KLF8: variants seen among roughly 807,000 people sequenced by gnomAD.
KLF8 encodes the protein KLF transcription factor 8.
Under a neutral mutation model 18.2 loss-of-function variants are expected in KLF8, and 10 were observed. The ratio of observed to expected loss-of-function variants is 0.55; its 90% CI spans 0.34 to 0.93. The LOEUF is 0.93. KLF8 is among the 40% of genes least tolerant of loss of function. The pLI is 0.02. For missense variants in KLF8, 264 were observed against 277.9 expected, an observed-to-expected ratio of 0.95 and a Z score of 0.36; for synonymous variants, 109 against 97.3, an observed-to-expected ratio of 1.12 and a Z score of -0.71.
the KLF8 span, among the ~76,000 whole-genome samples, chrX:56,202,177 C>G: frequency 9.0e-6 from 1 of 110,702 alleles, no homozygotes; most frequent in Non-Finnish European, 1.9e-5. Flanking sequence ...GAGAGAAGAG[C>G]TACAAACTGA....
chrX:55,983,410 T>C, the KLF8 span, among the ~76,000 whole-genome samples: 1 of 111,703 alleles, frequency 9.0e-6, no homozygotes, highest in East Asian at 2.8e-4. Context: ...AAGTACAGTC[T>C]AATTTCATCC....
the KLF8 span, among the ~76,000 whole-genome samples, chrX:56,064,110 CGT>C: frequency 2.1e-5 from 2 of 94,719 alleles, no homozygotes; most frequent in Non-Finnish European, 4.0e-5. Context: ...TACATATATA[CGT>C]ATGTGTGTGT....
chrX:55,991,875 T>C, the KLF8 span, among the ~76,000 whole-genome samples: 2 of 112,792 alleles, frequency 1.8e-5, no homozygotes, highest in Non-Finnish European at 3.7e-5. Context: ...TATTTTTTCA[T>C]ATGCTTCTTG....
At chrX:55,947,963 C>T in the KLF8 span, among the ~76,000 whole-genome samples, 1 of 111,871 alleles carries the variant, frequency 8.9e-6, no homozygotes, top group African/African-American at 3.2e-5. Context: ...ATTATTTGTG[C>T]CAATAACTCA....
the KLF8 span, among the ~76,000 whole-genome samples, chrX:56,096,549 G>T: frequency 3.6e-5 from 4 of 111,769 alleles, no homozygotes; most frequent in East Asian, 1.1e-3. Flanking sequence ...GCAGGGATTA[G>T]TGGGAAAGTT....
At chrX:55,981,831 C>T in the KLF8 span, among the ~76,000 whole-genome samples, 3 of 111,795 alleles carry the variant, frequency 2.7e-5, no homozygotes, top group Non-Finnish European at 5.6e-5. Context: ...AGACTGGGAA[C>T]AGGCAGAACA....
chrX:56,140,474 G>T, the KLF8 span, among the ~76,000 whole-genome samples: 1 of 111,239 alleles, frequency 9.0e-6, no homozygotes, highest in African/African-American at 3.3e-5. Flanking sequence ...GATGGAGATG[G>T]CAGACATTAT....
chrX:56,237,715 G>C lies in KLF8; in HGVS notation c.7+4374G>C, dbSNP rs1271399309. On this transcript the variant is annotated intron_variant, in intron 1 of 5. Transcript: ENST00000468660. Reference sequence around the variant, plus strand: ...AAACTTTTGTAAGCAGTGCATTAGAGAGCTCAGGCTGCCATAACAAAATAC... The same window carrying C: ...AAACTTTTGTAAGCAGTGCATTAGACAGCTCAGGCTGCCATAACAAAATAC... 2.7e-5 allele frequency among the ~76,000 whole-genome samples: 3 copies of C among 111,852 alleles called. No individual in the cohort carries two copies. The South Asian group carries it at 1.1e-3, about 42-fold the overall frequency.
the KLF8 span, among the ~76,000 whole-genome samples, chrX:56,078,976 A>C: frequency 2.8e-4 from 27 of 96,469 alleles, no homozygotes; most frequent in African/African-American, 9.1e-4. Flanking sequence ...TTTCTGTGGG[A>C]TCGATGGTGA....
the KLF8 span, among the ~76,000 whole-genome samples, chrX:55,968,064 T>C: frequency 6.3e-5 from 7 of 111,543 alleles, no homozygotes; most frequent in Middle Eastern, 8.5e-3. Context: ...AAAACAGACC[T>C]TCCAGATGGA....
At chrX:56,197,908 T>G in the KLF8 span, among the ~76,000 whole-genome samples, 2 of 111,952 alleles carry the variant, frequency 1.8e-5, no homozygotes, top group Non-Finnish European at 3.8e-5. Context: ...GTTGGCTTCC[T>G]CCCTGGGATG....
At chrX:55,961,108 GTTCAATTCA>G in the KLF8 span, 1 of 161,235 alleles carries the variant, frequency 6.2e-6, no homozygotes. Context: ...GATGATAAAG[GTTCAATTCA>G]TTCAATTCAA....
In KLF8 at chrX:56,285,758, T is replaced by C. The variant is rs1336805076; in HGVS notation, c.*1264T>C. ...TCATTTAGCTGCCCAATCAGATTGT[T>C]TTATAATATTACCTGGGGTACAAAA... On this transcript the variant is annotated 3_prime_UTR_variant, in exon 6 of 6. Coordinates refer to ENST00000468660, the MANE Select transcript of KLF8 (RefSeq NM_007250.5). 1 of 111,502 alleles carries C rather than the reference T, an allele frequency of 9.0e-6. No individual in the cohort carries two copies. Among genetic ancestry groups the C allele is most frequent in the Non-Finnish European group, 1.9e-5 (1 of 53,070 alleles). The allele number at this position is 111,502 out of a possible 1,213,427, so 9.2% of individuals were successfully genotyped here. A position where few individuals can be genotyped will look rare whatever the true frequency, so the allele number is the denominator to read the frequency against.
At chrX:56,057,548 G>A in the KLF8 span, among the ~76,000 whole-genome samples, 4 of 111,545 alleles carry the variant, frequency 3.6e-5, no homozygotes, top group Non-Finnish European at 1.9e-5. Flanking sequence ...CACTGTTGGA[G>A]CTCTCCATTG....
the KLF8 span, among the ~76,000 whole-genome samples, chrX:56,103,080 TG>T: frequency 1.8e-5 from 2 of 110,655 alleles, no homozygotes; most frequent in Non-Finnish European, 3.8e-5. Context: ...ATCTCCATTT[TG>T]GTACCAGTAC....
At chrX:56,175,880 G>T in the KLF8 span, among the ~76,000 whole-genome samples, 1 of 110,956 alleles carries the variant, frequency 9.0e-6, no homozygotes, top group Non-Finnish European at 1.9e-5. Context: ...TTTGATCTTT[G>T]TTGGTTTAAA....
chrX:55,912,007 G>A, the KLF8 span, among the ~76,000 whole-genome samples: 1 of 111,753 alleles, frequency 8.9e-6, no homozygotes, highest in East Asian at 2.8e-4. Context: ...CTTGGAAGAT[G>A]GATTTTTAAA....
chrX:56,191,247 G>T, the KLF8 span, among the ~76,000 whole-genome samples: 1 of 111,713 alleles, frequency 9.0e-6, no homozygotes, highest in East Asian at 2.8e-4. Context: ...CAGCCTACTA[G>T]CAATGAACCA....
At chrX:55,943,487 G>A in the KLF8 span, among the ~76,000 whole-genome samples, 5 of 111,402 alleles carry the variant, frequency 4.5e-5, no homozygotes, top group East Asian at 2.8e-4. Context: ...AGGAAAGTTG[G>A]TGACTAGGTT....
Sources: gnomAD v4.1 joint callset for allele counts (sites outside exome capture counted in the v4.1 genomes callset) on GRCh38, gnomAD v4.1.1 for gene constraint, MANE v1.5 for transcripts, NCBI Gene and HGNC (gene_info 2026-07-23, HGNC 2026-07-21) for gene names.